C12orf42: variants seen among roughly 807,000 people sequenced by gnomAD.
The protein encoded by C12orf42 is uncharacterized protein C12orf42.
A neutral mutation model predicts 21.6 loss-of-function variants in C12orf42; 25 were observed. That is an observed-to-expected ratio of 1.16 (90% CI 0.84 to 1.62). C12orf42 has a LOEUF of 1.62. Ranked by LOEUF, C12orf42 falls within the 40% of genes most tolerant of loss-of-function variation. C12orf42 has a pLI of 0.00. For missense variants in C12orf42, 483 were observed against 459.3 expected (o/e 1.05, Z -0.47); for synonymous variants, 174 against 175.0 (o/e 0.99, Z 0.05).
At chr12:103,541,962 T>TC in the C12orf42 span, among the ~76,000 whole-genome samples, 1 of 152,096 alleles carries the variant, frequency 6.6e-6, no homozygotes, top group African/African-American at 2.4e-5. Flanking sequence ...CATGGCCCAT[T>TC]CCACCACAGC....
intron 2 of C12orf42, among the ~76,000 whole-genome samples, chr12:103,423,435 G>A (rs1046142009): frequency 6.6e-6 from 1 of 152,212 alleles, no homozygotes; most frequent in South Asian, 2.1e-4. Flanking sequence ...TATGGAAACT[G>A]CAGATTCTAT....
At chr12:103,355,090 A>G (rs1470450216) in intron 4 of C12orf42, among the ~76,000 whole-genome samples, 1 of 152,142 alleles carries the variant, frequency 6.6e-6, no homozygotes, top group Non-Finnish European at 1.5e-5. Flanking sequence ...GTTGAACTGT[A>G]TCATAGAACT....
chr12:103,132,274 T>C, the C12orf42 span, among the ~76,000 whole-genome samples: 1 of 151,974 alleles, frequency 6.6e-6, no homozygotes, highest in Non-Finnish European at 1.5e-5. Flanking sequence ...AGCAAACACC[T>C]AAAGCAATGA....
the C12orf42 span, among the ~76,000 whole-genome samples, chr12:103,539,359 GT>G: frequency 5.9e-5 from 7 of 118,020 alleles, no homozygotes; most frequent in Admixed American, 1.6e-4. Context: ...ATTATGCTTG[GT>G]TCTTTTTTTT....
chr12:103,289,822 A>G (rs1278305845), intron 4 of C12orf42, among the ~76,000 whole-genome samples: 3 of 152,206 alleles, frequency 2.0e-5, no homozygotes, highest in African/African-American at 7.2e-5. Context: ...ATATGCTCCA[A>G]AATGTAAATA....
the C12orf42 span, among the ~76,000 whole-genome samples, chr12:103,528,239 G>A: frequency 1.3e-5 from 2 of 152,268 alleles, no homozygotes; most frequent in African/African-American, 4.8e-5. Flanking sequence ...AGAAGATGAA[G>A]ACATAGATAT....
At chr12:103,199,778 C>T in the C12orf42 span, among the ~76,000 whole-genome samples, 2 of 152,278 alleles carry the variant, frequency 1.3e-5, no homozygotes, top group East Asian at 1.9e-4. Flanking sequence ...TACCAACTCA[C>T]ACCTGTTAGG....
intron 1 of C12orf42, among the ~76,000 whole-genome samples, chr12:103,488,846 T>G (rs1299856343): frequency 1.3e-5 from 2 of 152,200 alleles, no homozygotes; most frequent in East Asian, 3.8e-4. Flanking sequence ...AGTTAGCCAT[T>G]CGTCTAACCT....
the C12orf42 span, among the ~76,000 whole-genome samples, chr12:103,115,267 C>A: frequency 6.6e-6 from 1 of 152,138 alleles, no homozygotes; most frequent in Admixed American, 6.5e-5. Context: ...TTTTTTATTG[C>A]GACCATAAAA....
intron 2 of C12orf42, among the ~76,000 whole-genome samples, chr12:103,403,175 A>G (rs2048154269): frequency 6.6e-6 from 1 of 152,076 alleles, no homozygotes; most frequent in Non-Finnish European, 1.5e-5. Context: ...GGAGATCGAG[A>G]CCACCCTGGC....
At chr12:103,197,240 G>C in the C12orf42 span, among the ~76,000 whole-genome samples, 2 of 151,952 alleles carry the variant, frequency 1.3e-5, no homozygotes, top group Non-Finnish European at 2.9e-5. Context: ...CTGAATGTAG[G>C]CCTCTAATCT....
the C12orf42 span, among the ~76,000 whole-genome samples, chr12:103,155,505 G>A: frequency 2.6e-5 from 4 of 152,182 alleles, no homozygotes; most frequent in Non-Finnish European, 5.9e-5. Context: ...ACAAAATAAC[G>A]GTGGGGACAC....
At chr12:103,164,745 T>G in the C12orf42 span, 2 of 455,336 alleles carry the variant, frequency 4.4e-6, no homozygotes, top group African/African-American at 4.0e-5. Context: ...ATTTATTCCA[T>G]GTAACACTCC....
chr12:103,281,914 AAAAAG>A (rs1491130491), intron 4 of C12orf42, among the ~76,000 whole-genome samples: 1 of 110,474 alleles, frequency 9.1e-6, no homozygotes, highest in Non-Finnish European at 1.8e-5. Flanking sequence ...AAGAAGAAAG[AAAAAG>A]AAAGAAAGAA....
At chr12:103,104,524 T>C in the C12orf42 span, among the ~76,000 whole-genome samples, 1 of 152,202 alleles carries the variant, frequency 6.6e-6, no homozygotes, top group Non-Finnish European at 1.5e-5. Flanking sequence ...CTCTGCATCC[T>C]TCACCTCCTG....
the C12orf42 span, among the ~76,000 whole-genome samples, chr12:103,544,722 A>T: frequency 6.6e-6 from 1 of 152,096 alleles, no homozygotes; most frequent in Non-Finnish European, 1.5e-5. Flanking sequence ...CATTCTGAAT[A>T]CTTTCTTCAG....
chr12:103,522,270 T>C, the C12orf42 span, among the ~76,000 whole-genome samples: 2 of 152,192 alleles, frequency 1.3e-5, no homozygotes, highest in East Asian at 1.9e-4. Flanking sequence ...GCATCGGTTG[T>C]TCTTCCTTTA....
the C12orf42 span, among the ~76,000 whole-genome samples, chr12:103,170,986 C>T: frequency 6.6e-6 from 1 of 152,090 alleles, no homozygotes; most frequent in Non-Finnish European, 1.5e-5. Context: ...CTATACTCAT[C>T]CCATTATGTT....
chr12:103,216,147 T>C, the C12orf42 span, among the ~76,000 whole-genome samples: 6 of 152,188 alleles, frequency 3.9e-5, no homozygotes, highest in Non-Finnish European at 8.8e-5. Flanking sequence ...TTTCTCTCTG[T>C]CTTTCCTTCT....
Sources: gnomAD v4.1 joint callset for allele counts (sites outside exome capture counted in the v4.1 genomes callset) on GRCh38, gnomAD v4.1.1 for gene constraint, MANE v1.5 for transcripts, NCBI Gene and HGNC (gene_info 2026-07-23, HGNC 2026-07-21) for gene names.